TMEM108: variants seen among roughly 807,000 people sequenced by gnomAD.
The protein encoded by TMEM108 is cancer/testis antigen 124.
TMEM108 carries 12 observed loss-of-function variants against 35.1 expected under a neutral mutation model. The ratio of observed to expected loss-of-function variants is 0.34; its 90% confidence interval spans 0.22 to 0.55. The LOEUF (loss-of-function observed/expected upper bound fraction) is 0.55, where lower values mean the gene tolerates loss of function less well. Among genes scored for constraint, TMEM108 ranks in the 20% least tolerant of loss-of-function variants. The pLI is 0.89. For synonymous variants in TMEM108, 287 were observed against 308.6 expected (o/e 0.93, Z 0.73); for missense variants, 680 against 753.3 (o/e 0.90, Z 1.14).
At chr3:133,249,927 T>G (rs1020587668) in intron 3 of TMEM108, among the ~76,000 whole-genome samples, 69 of 152,306 alleles carry the variant, frequency 4.5e-4, no homozygotes, top group African/African-American at 1.6e-3. Flanking sequence ...AATTTCAGTT[T>G]ATGAAAATCA....
At chr3:133,345,167 C>T (rs2071777889) in intron 3 of TMEM108, among the ~76,000 whole-genome samples, 1 of 151,630 alleles carries the variant, frequency 6.6e-6, no homozygotes, top group South Asian at 2.1e-4. Flanking sequence ...CAGTCTTAAT[C>T]ATAAATAAAG....
chr3:133,082,480 A>C (rs900966182), intron 2 of TMEM108, among the ~76,000 whole-genome samples: 1 of 152,250 alleles, frequency 6.6e-6, no homozygotes, highest in African/African-American at 2.4e-5. Flanking sequence ...AACCATGAGC[A>C]CATATTGAGG....
chr3:133,342,301 C>T lies in TMEM108; in HGVS notation c.41-37451C>T, dbSNP rs137908790. Among the ~76,000 whole-genome samples, 1,020 of 151,168 alleles carry T rather than the reference C, an allele frequency of 6.7e-3. 15 individuals are homozygous for T. Among genetic ancestry groups the T allele is most frequent in the African/African-American group, 0.024 (972 of 41,354 alleles). On this transcript the variant is annotated intron_variant, in intron 3 of 5. Transcript: ENST00000321871. ...GAATAAGACCCAGTATTTGCTAGTA[C>T]AACCGGGTGACTCTAGTCAAAAATA...
intron 3 of TMEM108, among the ~76,000 whole-genome samples, chr3:133,355,769 A>G (rs1269736158): frequency 1.3e-5 from 2 of 152,238 alleles, no homozygotes; most frequent in African/African-American, 2.4e-5. Context: ...TGAAGGCAGC[A>G]GGGATGTATG....
At chr3:133,305,373 G>A (rs1268777538) in intron 3 of TMEM108, among the ~76,000 whole-genome samples, 1 of 122,902 alleles carries the variant, frequency 8.1e-6, no homozygotes, top group East Asian at 2.8e-4. Context: ...GTGGGGTGGG[G>A]GGAGGGGGGA....
chr3:133,120,230 C>T (rs894609287), intron 2 of TMEM108, among the ~76,000 whole-genome samples: 6 of 152,132 alleles, frequency 3.9e-5, no homozygotes, highest in Admixed American at 2.6e-4. Context: ...GTGTAGACAC[C>T]TTTTAATATC....
chr3:133,127,044 C>A (rs922980707), intron 2 of TMEM108, among the ~76,000 whole-genome samples: 1 of 152,014 alleles, frequency 6.6e-6, no homozygotes, highest in African/African-American at 2.4e-5. Context: ...TCTTGAAAGT[C>A]CTATTGAGAT....
At position 133,081,374 on chromosome 3, in the gene TMEM108, CTCT is replaced by C. The variant is rs1461005279; in HGVS notation, c.-47+35359_-47+35361del. On this transcript the variant is annotated intron_variant, in intron 2 of 5. Transcript: ENST00000321871. ...AGGGAAAGAATAAGCACTCTGGTAT[CTCT>C]TCTTATAAAGGCACTAATCTCATCA... is the stretch of plus-strand genomic sequence containing the variant. 5.3e-5 allele frequency among the ~76,000 whole-genome samples: 8 copies of C among 152,204 alleles called. No homozygotes were observed. In the East Asian group the frequency reaches 1.5e-3, roughly 29 times the overall value.
intron 2 of TMEM108, among the ~76,000 whole-genome samples, chr3:133,171,730 G>A (rs1945133461): frequency 6.6e-6 from 1 of 152,158 alleles, no homozygotes; most frequent in Admixed American, 6.5e-5. Flanking sequence ...GGAAGAAAAA[G>A]AGCATAAAAT....
chr3:133,189,588 T>G (rs1945469892), intron 2 of TMEM108, among the ~76,000 whole-genome samples: 1 of 152,178 alleles, frequency 6.6e-6, no homozygotes, highest in African/African-American at 2.4e-5. Flanking sequence ...AGATTTCAGC[T>G]TGAATAATAA....
At chr3:133,229,441 G>T (rs2107652380) in intron 3 of TMEM108, 90 bp downstream of exon 3, 4 of 1,239,160 alleles carry the variant, frequency 3.2e-6, no homozygotes, top group East Asian at 2.5e-5. Flanking sequence ...ACGGAGACCA[G>T]GGTTGGATCG....
At chr3:133,174,424 C>A (rs913194197) in intron 2 of TMEM108, among the ~76,000 whole-genome samples, 1 of 152,200 alleles carries the variant, frequency 6.6e-6, no homozygotes, top group Non-Finnish European at 1.5e-5. Context: ...AGGAGGCACC[C>A]CCCAGTAGGG....
intron 3 of TMEM108, among the ~76,000 whole-genome samples, chr3:133,296,425 A>G (rs1336288565): frequency 1.3e-5 from 2 of 152,206 alleles, no homozygotes; most frequent in Non-Finnish European, 2.9e-5. Context: ...ATATTTATGC[A>G]CAAAGAAATC....
chr3:133,390,223 C>T lies in TMEM108; in HGVS notation c.1494C>T (p.Thr498=), dbSNP rs1326789337. 4 of 1,614,166 alleles carry T rather than the reference C, an allele frequency of 2.5e-6. No individual in the cohort carries two copies. Among genetic ancestry groups the T allele is most frequent in the Admixed American group, 1.7e-5 (1 of 60,012 alleles). ...GCTGCATGAAGAGGAAGAAGAAGAC[C>T]GCCAACCCGGAGAACAACCTGAGCT... ...TVCCMKRKKK[T]ANPENNLSYW... Residue 498 remains threonine (T), a synonymous_variant, in exon 5 of 6, where the codon ACC becomes ACT. Coordinates refer to ENST00000321871, the MANE Select transcript of TMEM108 (RefSeq NM_023943.4).
intron 3 of TMEM108, among the ~76,000 whole-genome samples, chr3:133,357,298 G>T (rs1245961644): frequency 6.6e-6 from 1 of 152,176 alleles, no homozygotes; most frequent in African/African-American, 2.4e-5. Flanking sequence ...TGGCGTGGAT[G>T]TGGTGAAAGA....
intron 3 of TMEM108, among the ~76,000 whole-genome samples, chr3:133,305,314 T>C (rs2107706539): frequency 7.7e-6 from 1 of 129,760 alleles, no homozygotes; most frequent in Non-Finnish European, 1.6e-5. Flanking sequence ...AATTGAACAA[T>C]GAGATCACAT....
At chr3:133,171,617 T>G (rs912260340) in intron 2 of TMEM108, among the ~76,000 whole-genome samples, 3 of 152,178 alleles carry the variant, frequency 2.0e-5, no homozygotes, top group African/African-American at 7.2e-5. Context: ...CCACTGTACC[T>G]CAGGACTCCA....
intron 3 of TMEM108, among the ~76,000 whole-genome samples, chr3:133,288,273 G>A (rs915933346): frequency 2.0e-5 from 3 of 152,164 alleles, no homozygotes; most frequent in Non-Finnish European, 4.4e-5. Context: ...GCAGCATTCT[G>A]ATGCAGTTAA....
intron 3 of TMEM108, among the ~76,000 whole-genome samples, chr3:133,372,735 C>T (rs1042425540): frequency 1.3e-5 from 2 of 152,188 alleles, no homozygotes; most frequent in Admixed American, 6.5e-5. Flanking sequence ...CCAGTTAGCT[C>T]TAAGCAGAAC....
Sources: allele counts gnomAD v4.1 joint callset (sites outside exome capture counted in the v4.1 genomes callset), GRCh38; gene constraint gnomAD v4.1.1; transcripts MANE v1.5; gene names NCBI Gene and HGNC (gene_info 2026-07-23, HGNC 2026-07-21).